RNF24: variants seen among roughly 807,000 people sequenced by gnomAD.
The protein encoded by RNF24 is ring finger protein 24.
Under a neutral mutation model 20.0 loss-of-function variants are expected in RNF24, and 14 were observed. The observed-to-expected ratio is 0.70, with a 90% confidence interval of 0.46 to 1.10. RNF24 has a LOEUF of 1.10. RNF24 is among the 50% of genes least tolerant of loss of function. RNF24 has a pLI of 0.00. For missense variants in RNF24, 124 were observed against 177.6 expected (o/e 0.70, Z 1.71); for synonymous variants, 45 against 61.1 (o/e 0.74, Z 1.23).
intron 1 of RNF24, among the ~76,000 whole-genome samples, chr20:3,973,500 CAAAAAAAAAAAAA>C (rs56824542): frequency 2.0e-5 from 2 of 101,120 alleles, no homozygotes; most frequent in African/African-American, 7.7e-5. Context: ...GGAAGAATGA[CAAAAAAAAAAAAA>C]AAAAAAAAAA....
chr20:3,943,390 G>C (rs2090980516), intron 4 of RNF24, among the ~76,000 whole-genome samples: 1 of 151,524 alleles, frequency 6.6e-6, no homozygotes, highest in Non-Finnish European at 1.5e-5. Flanking sequence ...AACAATTTTG[G>C]AAAAGAATGA....
chr20:3,958,618 C>T (rs370535416), intron 2 of RNF24, among the ~76,000 whole-genome samples: 32 of 152,262 alleles, frequency 2.1e-4, no homozygotes, highest in Middle Eastern at 3.4e-3. Context: ...ACTTGTAGGG[C>T]ATCTTTCTCA....
At chr20:3,945,605 C>T (rs534195327) in intron 3 of RNF24, among the ~76,000 whole-genome samples, 4 of 151,956 alleles carry the variant, frequency 2.6e-5, no homozygotes, top group Non-Finnish European at 5.9e-5. Flanking sequence ...ATCCCAGCTA[C>T]TCGGCAGGCT....
At chr20:3,939,430 C>T (rs2146945623) in intron 4 of RNF24, among the ~76,000 whole-genome samples, 1 of 152,308 alleles carries the variant, frequency 6.6e-6, no homozygotes, top group South Asian at 2.1e-4. Context: ...CCAGTTGTCC[C>T]AGCACCACTG....
intron 1 of RNF24, among the ~76,000 whole-genome samples, chr20:3,980,500 T>C (rs145489025): frequency 0.01 from 1,548 of 152,274 alleles, 17 homozygotes; most frequent in African/African-American, 0.035. Context: ...GAATGGTGAA[T>C]AATCGAAAAC....
chr20:4,001,874 G>C (rs1056560765), intron 1 of RNF24, among the ~76,000 whole-genome samples: 1 of 152,086 alleles, frequency 6.6e-6, no homozygotes, highest in Admixed American at 6.5e-5. Flanking sequence ...CTTGAGCCTG[G>C]AAGTTGAGGC....
Position 3,934,566 on chromosome 20 carries a change from A to G in RNF24, c.309-365T>C, listed in dbSNP as rs1250608208. Among the ~76,000 whole-genome samples the G allele has an allele frequency of 6.6e-6, 1 of 152,212 alleles. No homozygotes were observed. The highest frequency in any genetic ancestry group is 1.5e-5 in the Non-Finnish European group (1 of 68,040). On this transcript the variant is annotated intron_variant, in intron 5 of 5. Coordinates refer to ENST00000358395, the MANE Select transcript of RNF24 (RefSeq NM_001134337.3). This position sits in a 1 kb window ranked among gnomAD's most constrained non-coding sequence, Gnocchi z 4.0. ...TTTCTAACAGAAATACAAAACAAAA[A>G]ATTATAAGAGGAAGAATATTAATAT...
At chr20:3,986,960 T>G (rs1357386397) in intron 1 of RNF24, among the ~76,000 whole-genome samples, 1 of 152,166 alleles carries the variant, frequency 6.6e-6, no homozygotes, top group Admixed American at 6.6e-5. Flanking sequence ...CAAGCTGGAT[T>G]GCAGTAGCAT....
chr20:3,977,727 T>C (rs1978993641), intron 1 of RNF24, among the ~76,000 whole-genome samples: 1 of 151,518 alleles, frequency 6.6e-6, no homozygotes, highest in Non-Finnish European at 1.5e-5. Context: ...TAGCCGGATG[T>C]GGTGGTGGGC....
rs1255420034 is a variant in RNF24 at position 3,930,449 on chromosome 20, C to G, written c.*3614G>C. On this transcript the variant is annotated 3_prime_UTR_variant, in exon 6 of 6. Coordinates refer to ENST00000358395, the MANE Select transcript of RNF24 (RefSeq NM_001134337.3). ...GCCCCCATGACACCAGGCCTGCTGC[C>G]TACCAGGCTCTGGGCACCAGCTAAC... The G allele has an allele frequency of 6.6e-6, 1 of 152,224 alleles. No homozygotes were observed. Among genetic ancestry groups the G allele is most frequent in the Non-Finnish European group, 1.5e-5 (1 of 68,068 alleles). The allele number at this position is 152,224 out of a possible 1,614,324, so 9.4% of individuals were successfully genotyped here.
intron 1 of RNF24, among the ~76,000 whole-genome samples, chr20:3,977,106 A>G (rs893197013): frequency 1.3e-5 from 2 of 152,054 alleles, no homozygotes; most frequent in Non-Finnish European, 2.9e-5. Flanking sequence ...ATTTGTATAG[A>G]AAAAAAAGAA....
chr20:3,933,908 T>G lies in RNF24; in HGVS notation c.*155A>C, dbSNP rs1021396132. On this transcript the variant is annotated 3_prime_UTR_variant, in exon 6 of 6. Coordinates refer to ENST00000358395, the MANE Select transcript of RNF24 (RefSeq NM_001134337.3). ...TTGGTTGTCACAAGACCCAGACACC[T>G]AGGTTCCCAGTTTGGCTGGCCCAAG... The G allele has an allele frequency of 3.2e-6, 2 of 628,544 alleles. No individual in the cohort carries two copies. Among genetic ancestry groups the G allele is most frequent in the Non-Finnish European group, 4.9e-6 (2 of 409,330 alleles). The allele number at this position is 628,544 out of a possible 1,614,324, so 38.9% of individuals were successfully genotyped here.
intron 1 of RNF24, among the ~76,000 whole-genome samples, chr20:4,003,046 T>G (rs11699249): frequency 6.6e-6 from 1 of 152,082 alleles, no homozygotes; most frequent in Non-Finnish European, 1.5e-5. Context: ...CTCAGAACAC[T>G]GCAACCTCTG....
rs778416364 is a variant in RNF24 at position 3,931,560 on chromosome 20, T to C, written c.*2503A>G. 2 of 152,194 alleles carry C rather than the reference T, an allele frequency of 1.3e-5. No individual in the cohort carries two copies. Among genetic ancestry groups the C allele is most frequent in the Non-Finnish European group, 2.9e-5 (2 of 68,032 alleles). The allele number at this position is 152,194 out of a possible 1,614,324, so 9.4% of individuals were successfully genotyped here. A position where few individuals can be genotyped will look rare whatever the true frequency, so the allele number is the denominator to read the frequency against. The stretch of plus-strand genomic sequence containing the variant: ...ATGCAGGGAGCAAATATTCGGGTTG[T>C]GTTGCTAAGAGTCGCAGGAACTACT... On this transcript the variant is annotated 3_prime_UTR_variant, in exon 6 of 6. Transcript: ENST00000358395.
chr20:3,989,143 A>G (rs111578045), intron 1 of RNF24, among the ~76,000 whole-genome samples: 2,396 of 152,250 alleles, frequency 0.016, 55 homozygotes, highest in African/African-American at 0.055. Context: ...TAAAAAGGCT[A>G]ATTCTAGTTT....
At chr20:3,998,724 CTA>C (rs1981125510) in intron 1 of RNF24, among the ~76,000 whole-genome samples, 1 of 150,506 alleles carries the variant, frequency 6.6e-6, no homozygotes, top group Non-Finnish European at 1.5e-5. Flanking sequence ...CCATTGTACT[CTA>C]GCCTGGGTGA....
At chr20:3,946,590 A>G (rs1490515862) in intron 3 of RNF24, among the ~76,000 whole-genome samples, 2 of 150,808 alleles carry the variant, frequency 1.3e-5, no homozygotes. Flanking sequence ...GCATGCCACC[A>G]CACTCAGCTA....
In RNF24 at chr20:3,931,486, G is replaced by A. The variant is rs2090822177; in HGVS notation, c.*2577C>T. Reference sequence around the variant, plus strand: ...AGGATGTAAATTAAAAGGCCTGTTTGTCTGTACAGCAATGCAGATGCGCAG... The same window carrying A: ...AGGATGTAAATTAAAAGGCCTGTTTATCTGTACAGCAATGCAGATGCGCAG... On this transcript the variant is annotated 3_prime_UTR_variant, in exon 6 of 6. Transcript: ENST00000358395. 6.6e-6 allele frequency: 1 copy of A among 152,190 alleles called. No homozygotes were observed. The highest frequency in any genetic ancestry group is 1.5e-5 in the Non-Finnish European group (1 of 68,042). The allele number at this position is 152,190 out of a possible 1,614,324, so 9.4% of individuals were successfully genotyped here.
intron 1 of RNF24, among the ~76,000 whole-genome samples, chr20:4,011,489 A>C (rs1414144870): frequency 6.6e-6 from 1 of 152,224 alleles, no homozygotes; most frequent in Non-Finnish European, 1.5e-5. Context: ...GCAGTAGTCC[A>C]GGGAGCAAAC....
Sources: allele counts gnomAD v4.1 joint callset (sites outside exome capture counted in the v4.1 genomes callset), GRCh38; gene constraint gnomAD v4.1.1; non-coding constraint Gnocchi (gnomAD v3.1); transcripts MANE v1.5; gene names NCBI Gene and HGNC (gene_info 2026-07-23, HGNC 2026-07-21).